Variants in SAMMSON observed in about 807,000 individuals in gnomAD.
SAMMSON encodes long intergenic non-protein coding RNA 1212.
chr3:70,351,143 A>C (rs985557452), intron 7 of SAMMSON, among the ~76,000 whole-genome samples: 1 of 152,276 alleles, frequency 6.6e-6, no homozygotes, highest in East Asian at 1.9e-4. Flanking sequence ...AGATAAAGAA[A>C]TATTCCCTAC....
chr3:70,197,617 T>G (rs1701195122), intron 4 of SAMMSON, among the ~76,000 whole-genome samples: 1 of 152,210 alleles, frequency 6.6e-6, no homozygotes, highest in African/African-American at 2.4e-5. Context: ...CCCTGTTTCT[T>G]GTCACTAGGC....
chr3:70,170,177 T>G (rs1700920050), intron 4 of SAMMSON, among the ~76,000 whole-genome samples: 1 of 151,944 alleles, frequency 6.6e-6, no homozygotes, highest in South Asian at 2.1e-4. Context: ...TTTATGCCTT[T>G]TGGACAGAGA....
At chr3:70,193,467 A>C (rs1468305669) in intron 4 of SAMMSON, among the ~76,000 whole-genome samples, 1 of 152,016 alleles carries the variant, frequency 6.6e-6, no homozygotes, top group African/African-American at 2.4e-5. Context: ...AAATTTTTAA[A>C]TTTTTATTTT....
At chr3:70,363,619 G>A (rs1351595796) in intron 9 of SAMMSON, among the ~76,000 whole-genome samples, 1 of 151,926 alleles carries the variant, frequency 6.6e-6, no homozygotes, top group Non-Finnish European at 1.5e-5. Flanking sequence ...CATTTTTTGG[G>A]TGAACATGTT....
At chr3:70,428,733 G>A (rs879625915) in intron 2 of SAMMSON, among the ~76,000 whole-genome samples, 4 of 152,138 alleles carry the variant, frequency 2.6e-5, no homozygotes, top group African/African-American at 9.6e-5. Context: ...TCTCTAAACA[G>A]TGATCTATCT....
intron 4 of SAMMSON, among the ~76,000 whole-genome samples, chr3:70,174,567 GA>G (rs938338453): frequency 1.3e-5 from 2 of 151,834 alleles, no homozygotes; most frequent in Non-Finnish European, 1.5e-5. Flanking sequence ...TTAATTATAA[GA>G]AAAAAATATG....
chr3:70,026,609 A>T (rs1176580422), intron 3 of SAMMSON, among the ~76,000 whole-genome samples: 1 of 152,154 alleles, frequency 6.6e-6, no homozygotes, highest in Non-Finnish European at 1.5e-5. Context: ...TGTGGGAGGA[A>T]AATTGTTAAG....
chr3:70,008,188 C>G (rs1371963759), intron 1 of SAMMSON, among the ~76,000 whole-genome samples: 2 of 152,124 alleles, frequency 1.3e-5, no homozygotes, highest in East Asian at 3.9e-4. Flanking sequence ...CGAAGAAAGT[C>G]ATCGGTAGCT....
intron 4 of SAMMSON, among the ~76,000 whole-genome samples, chr3:70,194,884 G>A (rs150258065): frequency 6.6e-6 from 1 of 152,180 alleles, no homozygotes; most frequent in Non-Finnish European, 1.5e-5. Context: ...TAGACCACGG[G>A]TAGAGGGGTG....
chr3:70,056,108 C>T lies in SAMMSON; in HGVS notation n.418-15368C>T, dbSNP rs184588069. Among the ~76,000 whole-genome samples, 55 of 152,162 alleles carry T rather than the reference C, an allele frequency of 3.6e-4. 1 individual carries two copies. Among genetic ancestry groups the T allele is most frequent in the South Asian group, 3.5e-3 (17 of 4,816 alleles). ...TTTATAGATTAATCTTGACACCTTT[C>T]TTTCTTTCCCATTCTTTTCCTTCTT... On this transcript the variant is annotated intron_variant and non_coding_transcript_variant, in intron 3 of 9. Coordinates refer to ENST00000642114, the Ensembl canonical transcript of SAMMSON.
At chr3:70,190,857 G>C (rs1701126903) in intron 4 of SAMMSON, among the ~76,000 whole-genome samples, 1 of 152,086 alleles carries the variant, frequency 6.6e-6, no homozygotes, top group Non-Finnish European at 1.5e-5. Flanking sequence ...TGTGCCAGGT[G>C]GTTTACTGCC....
intron 6 of SAMMSON, among the ~76,000 whole-genome samples, chr3:70,266,066 C>T (rs544591514): frequency 6.6e-6 from 1 of 152,322 alleles, no homozygotes; most frequent in South Asian, 2.1e-4. Context: ...AATGAGAAAT[C>T]TCTTTGTCTT....
chr3:70,407,941 ACTT>A (rs1166516997), intron 2 of SAMMSON, among the ~76,000 whole-genome samples: 12 of 152,198 alleles, frequency 7.9e-5, no homozygotes, highest in Non-Finnish European at 1.6e-4. Flanking sequence ...GCATGTCCAT[ACTT>A]CTTCTGAAGT....
At chr3:70,324,872 CTT>C (rs930200698) in intron 7 of SAMMSON, among the ~76,000 whole-genome samples, 2 of 149,596 alleles carry the variant, frequency 1.3e-5, no homozygotes, top group Non-Finnish European at 3.0e-5. Context: ...CTCTCCATTC[CTT>C]TTCTTTCTTC....
intron 2 of SAMMSON, among the ~76,000 whole-genome samples, chr3:70,405,762 G>A (rs950443051): frequency 6.6e-6 from 1 of 152,140 alleles, no homozygotes; most frequent in African/African-American, 2.4e-5. Flanking sequence ...GGGTAGAGTA[G>A]AAGACAGAAA....
At chr3:70,155,766 A>G (rs763083261) in intron 4 of SAMMSON, among the ~76,000 whole-genome samples, 5 of 151,998 alleles carry the variant, frequency 3.3e-5, no homozygotes, top group Admixed American at 1.3e-4. Flanking sequence ...TGTTCTTGCA[A>G]AACTGATTTG....
intron 4 of SAMMSON, among the ~76,000 whole-genome samples, chr3:70,217,510 T>A (rs1701426746): frequency 6.6e-6 from 1 of 152,156 alleles, no homozygotes; most frequent in Non-Finnish European, 1.5e-5. Flanking sequence ...CTCTGAGCTT[T>A]CTAGGTTTTA....
chr3:70,110,074 A>C (rs749935687), intron 4 of SAMMSON, among the ~76,000 whole-genome samples: 11 of 152,242 alleles, frequency 7.2e-5, no homozygotes, highest in Non-Finnish European at 1.3e-4. Flanking sequence ...AGGGTGCTGT[A>C]GGAGAGGCAC....
At chr3:70,049,617 A>G (rs1323211842) in intron 3 of SAMMSON, among the ~76,000 whole-genome samples, 1 of 152,114 alleles carries the variant, frequency 6.6e-6, no homozygotes, top group East Asian at 1.9e-4. Context: ...AAAGCCCATT[A>G]ATGTTTATTA....
Sources: gnomAD v4.1 joint callset for allele counts (sites outside exome capture counted in the v4.1 genomes callset) on GRCh38, gnomAD v4.1.1 for gene constraint, MANE v1.5 for transcripts, NCBI Gene and HGNC (gene_info 2026-07-23, HGNC 2026-07-21) for gene names.